Variants in UBAC1 observed in about 807,000 individuals in gnomAD.
UBAC1 encodes UBA domain containing 1.
In UBAC1, 27 loss-of-function variants were observed where a neutral mutation model predicts 45.9. That is an observed-to-expected ratio of 0.59 (90% CI 0.43 to 0.81). The LOEUF (loss-of-function observed/expected upper bound fraction) is 0.81. Ranked by LOEUF, UBAC1 falls within the 30% of genes least tolerant of loss-of-function variation. The pLI is 0.00. For synonymous variants in UBAC1, 227 were observed against 215.5 expected, an observed-to-expected ratio of 1.05 and a Z score of -0.47; for missense variants, 529 against 539.2, an observed-to-expected ratio of 0.98 and a Z score of 0.19.
chr9:135,960,964 G>C (rs988521958), intron 1 of UBAC1, 61 bp downstream of exon 1: 1 of 1,401,722 alleles, frequency 7.1e-7, no homozygotes, highest in Non-Finnish European at 9.4e-7. Flanking sequence ...ACTGAGGCGG[G>C]GTCCGCAGTC....
At chr9:135,952,139 C>A (rs969798525) in intron 3 of UBAC1, among the ~76,000 whole-genome samples, 1 of 152,222 alleles carries the variant, frequency 6.6e-6, no homozygotes, top group African/African-American at 2.4e-5. Context: ...ATGGGTGGGG[C>A]GGCAGCCTGT....
intron 1 of UBAC1, among the ~76,000 whole-genome samples, chr9:135,959,372 G>GTTTTTTTT (rs34292104): frequency 1.0e-5 from 1 of 99,848 alleles, no homozygotes. Flanking sequence ...TTTTTGTCTG[G>GTTTTTTTT]TTTTTTTTTT....
intron 1 of UBAC1, among the ~76,000 whole-genome samples, chr9:135,958,203 C>T (rs1240988809): frequency 1.6e-4 from 25 of 152,128 alleles, no homozygotes; most frequent in African/African-American, 5.8e-4. Flanking sequence ...CCCGCCACCA[C>T]GCCCGGCTAA....
chr9:135,939,485 TCAC>T (rs1465416040), intron 8 of UBAC1, among the ~76,000 whole-genome samples, 185 bp downstream of exon 8: 41 of 135,404 alleles, frequency 3.0e-4, no homozygotes, highest in African/African-American at 1.1e-3. Flanking sequence ...CCACACTCAC[TCAC>T]CACAGCCCAC....
intron 9 of UBAC1, among the ~76,000 whole-genome samples, chr9:135,935,172 C>T (rs1839189186): frequency 6.6e-6 from 1 of 152,168 alleles, no homozygotes; most frequent in Admixed American, 6.5e-5. Flanking sequence ...GCTACAATTA[C>T]AGGCATGAGC....
intron 9 of UBAC1, among the ~76,000 whole-genome samples, chr9:135,937,789 G>A (rs974811736): frequency 6.6e-6 from 1 of 152,198 alleles, no homozygotes; most frequent in Non-Finnish European, 1.5e-5. Context: ...CTTCTTTAAA[G>A]TTACATCATC....
intron 3 of UBAC1, among the ~76,000 whole-genome samples, chr9:135,950,197 A>G (rs1305858889): frequency 6.6e-6 from 1 of 152,260 alleles, no homozygotes; most frequent in African/African-American, 2.4e-5. Flanking sequence ...TCACCCAGCC[A>G]GACTTCTGCC....
chr9:135,953,730 G>T lies in UBAC1; in HGVS notation c.283C>A (p.Arg95Ser). Residue 95 changes from arginine (R) to serine (S), a missense_variant, in exon 3 of 10, where the codon CGT becomes AGT. Arg to Ser is a moderately radical substitution (Grantham distance 110). Transcript: ENST00000371756. ...DQDVLLLIKK[R>S]APSPLPKMAD... ...ATCTTGGGAAGTGGTGATGGAGCAC[G>T]CTTTTTTATCAATAATAGGACATCT... The T allele has an allele frequency of 6.2e-7, 1 of 1,613,876 alleles. No homozygotes were observed. Among genetic ancestry groups the T allele is most frequent in the Non-Finnish European group, 8.5e-7 (1 of 1,179,864 alleles).
chr9:135,946,550 T>C (rs890404631), intron 4 of UBAC1, among the ~76,000 whole-genome samples, 179 bp from the exon 5 acceptor site: 1 of 152,222 alleles, frequency 6.6e-6, no homozygotes, highest in Non-Finnish European at 1.5e-5. Flanking sequence ...AGAGCCTCCC[T>C]GCAGGTGGGA....
intron 6 of UBAC1, 21 bp from the exon 7 acceptor site, chr9:135,945,271 T>TCCAACATCCCCAGAC: frequency 6.5e-7 from 1 of 1,542,750 alleles, no homozygotes; most frequent in Non-Finnish European, 8.7e-7. Flanking sequence ...AGAGACTCTT[T>TCCAACATCCCCAGAC]CCAACATCCC....
chr9:135,945,290 C>T (rs542476588), intron 6 of UBAC1, 40 bp from the exon 7 acceptor site: 44 of 1,497,950 alleles, frequency 2.9e-5, no homozygotes, highest in African/African-American at 2.4e-4. Flanking sequence ...CCCAGACTAA[C>T]GGACCAGGGC....
chr9:135,944,959 C>CCTTT, intron 7 of UBAC1, 69 bp downstream of exon 7: 1 of 1,479,702 alleles, frequency 6.8e-7, no homozygotes, highest in Non-Finnish European at 9.2e-7. Flanking sequence ...GCCCCAGCTT[C>CCTTT]CTTTCCATGG....
chr9:135,944,542 C>G (rs1005168495), intron 7 of UBAC1, among the ~76,000 whole-genome samples: 5 of 152,230 alleles, frequency 3.3e-5, no homozygotes, highest in African/African-American at 1.2e-4. Flanking sequence ...TCCACACACA[C>G]AGGCGCAGGG....
intron 9 of UBAC1, among the ~76,000 whole-genome samples, chr9:135,936,542 C>T (rs903304558): frequency 2.0e-5 from 3 of 150,094 alleles, no homozygotes; most frequent in African/African-American, 7.4e-5. Flanking sequence ...GACGCCCAGG[C>T]TAGAGTGCAG....
intron 7 of UBAC1, 45 bp downstream of exon 7, chr9:135,944,983 G>C (rs764230613): frequency 1.3e-6 from 2 of 1,567,904 alleles, no homozygotes; most frequent in Middle Eastern, 1.7e-4. Context: ...CACCTCAAGG[G>C]AAGACACAGC....
chr9:135,953,367 A>T (rs1335056432), intron 3 of UBAC1, among the ~76,000 whole-genome samples: 1 of 152,080 alleles, frequency 6.6e-6, no homozygotes, highest in African/African-American at 2.4e-5. Context: ...GCCAGGCTGG[A>T]GTGCAGTGGC....
rs539970515 is a variant in UBAC1, at chr9:135,939,819, C to A, written c.877-60G>T. On this transcript the variant is annotated intron_variant, in intron 7 of 9. Transcript: ENST00000371756. The stretch of plus-strand genomic sequence containing the variant: ...CGGCAGGAGGCCGAGGAACCAGTGA[C>A]CTGCGTGCAGAGGGGCCCGCTCCCC... 8.6e-6 allele frequency: 13 copies of A among 1,507,840 alleles called. No individual in the cohort carries two copies. The South Asian group carries it at 1.3e-4, about 15-fold the overall frequency. The allele number at this position is 1,507,840 out of a possible 1,614,324, so 93.4% of individuals were successfully genotyped here.
At chr9:135,955,235 C>A in intron 2 of UBAC1, 60 bp downstream of exon 2, 1 of 1,440,320 alleles carries the variant, frequency 6.9e-7, no homozygotes, top group Non-Finnish European at 9.1e-7. Flanking sequence ...CCTCCTGGCT[C>A]CAGCGCCCCC....
intron 1 of UBAC1, among the ~76,000 whole-genome samples, chr9:135,956,032 C>T (rs528738168): frequency 1.3e-5 from 2 of 152,184 alleles, no homozygotes; most frequent in African/African-American, 2.4e-5. Flanking sequence ...CACCCCTGGG[C>T]GGCTTGAAGG....
Sources: gnomAD v4.1 joint callset for allele counts (sites outside exome capture counted in the v4.1 genomes callset) on GRCh38, gnomAD v4.1.1 for gene constraint, MANE v1.5 for transcripts, NCBI Gene and HGNC (gene_info 2026-07-23, HGNC 2026-07-21) for gene names.